The following CCDC83 variants were observed in gnomAD, a reference collection of about 807,000 sequenced individuals.
The protein encoded by CCDC83 is coiled-coil domain containing 83.
In CCDC83, 54 loss-of-function variants were observed where a neutral mutation model predicts 50.1. The ratio of observed to expected loss-of-function variants is 1.08; its 90% confidence interval spans 0.87 to 1.35. The LOEUF is 1.35. Ranked by LOEUF, CCDC83 falls within the 40% of genes most tolerant of loss-of-function variation. The pLI, the probability that CCDC83 is intolerant of heterozygous loss-of-function variation, is 0.00. For synonymous variants in CCDC83, 161 were observed against 153.3 expected (o/e 1.05, Z -0.37); for missense variants, 518 against 473.9 (o/e 1.09, Z -0.86).
intron 1 of CCDC83, among the ~76,000 whole-genome samples, chr11:85,856,891 T>C (rs1037457248): frequency 1.2e-4 from 19 of 152,232 alleles, no homozygotes; most frequent in Non-Finnish European, 2.4e-4. Flanking sequence ...TTTAAATTAA[T>C]TCAGGATTTT....
intron 7 of CCDC83, among the ~76,000 whole-genome samples, chr11:85,904,766 C>T (rs936309380): frequency 2.0e-5 from 3 of 152,192 alleles, no homozygotes; most frequent in African/African-American, 7.2e-5. Flanking sequence ...TTTTTACCAT[C>T]TGCCCAGACA....
chr11:85,883,782 C>T (rs2093313279), intron 4 of CCDC83, among the ~76,000 whole-genome samples: 1 of 152,158 alleles, frequency 6.6e-6, no homozygotes, highest in South Asian at 2.1e-4. Flanking sequence ...CTTAGCTGAG[C>T]ACTTTGCACA....
intron 5 of CCDC83, among the ~76,000 whole-genome samples, chr11:85,891,847 G>C (rs1020025717): frequency 6.6e-6 from 1 of 152,148 alleles, no homozygotes; most frequent in Non-Finnish European, 1.5e-5. Flanking sequence ...CCTAACCAAA[G>C]TCACAATGCT....
intron 8 of CCDC83, among the ~76,000 whole-genome samples, chr11:85,915,036 G>T (rs906661472): frequency 2.6e-5 from 4 of 152,146 alleles, no homozygotes; most frequent in African/African-American, 7.2e-5. Flanking sequence ...TTCCCACTGG[G>T]TCCCTCTCCC....
intron 7 of CCDC83, among the ~76,000 whole-genome samples, chr11:85,908,966 C>T (rs1437954809): frequency 6.6e-6 from 1 of 152,046 alleles, no homozygotes; most frequent in Admixed American, 6.6e-5. Context: ...CAGGGTCTCG[C>T]TCTGTCACCT....
Position 85,915,511 on chromosome 11 carries a change from T to C in CCDC83, c.874+13T>C, listed in dbSNP as rs746952562. The C allele has an allele frequency of 3.8e-6, 6 of 1,563,540 alleles. No individual in the cohort carries two copies. In the South Asian group the frequency reaches 5.8e-5, roughly 15 times the overall value. On this transcript the variant is annotated intron_variant, in intron 9 of 10. Transcript: ENST00000342404. The stretch of plus-strand genomic sequence containing the variant: ...GAAACACATATAGGTATTACTTTAT[T>C]GCAATAATGATGATGATTTTTTTCA...
chr11:85,910,578 G>A (rs575908513), intron 7 of CCDC83, among the ~76,000 whole-genome samples: 18 of 152,252 alleles, frequency 1.2e-4, no homozygotes, highest in African/African-American at 4.3e-4. Flanking sequence ...CTTAGATAGG[G>A]CCTAACTTAG....
chr11:85,864,269 C>T (rs1212306310), intron 1 of CCDC83, among the ~76,000 whole-genome samples: 2 of 152,184 alleles, frequency 1.3e-5, no homozygotes, highest in African/African-American at 4.8e-5. Context: ...TGCTTTCTAC[C>T]ACACTTAACT....
chr11:85,891,684 C>T (rs2093351069), intron 5 of CCDC83, among the ~76,000 whole-genome samples: 1 of 152,124 alleles, frequency 6.6e-6, no homozygotes, highest in Non-Finnish European at 1.5e-5. Flanking sequence ...ATTTTCTTGC[C>T]TATAAAATCA....
At chr11:85,886,965 C>T (rs1263493948) in intron 5 of CCDC83, among the ~76,000 whole-genome samples, 1 of 152,076 alleles carries the variant, frequency 6.6e-6, no homozygotes, top group Admixed American at 6.6e-5. Context: ...TGTTTCCACA[C>T]TGGGACAGAA....
chr11:85,856,805 T>G (rs1342428628), intron 1 of CCDC83, among the ~76,000 whole-genome samples: 2 of 152,228 alleles, frequency 1.3e-5, no homozygotes, highest in African/African-American at 2.4e-5. Context: ...CCCTATCATA[T>G]ATACATAATC....
intron 3 of CCDC83, among the ~76,000 whole-genome samples, chr11:85,879,755 G>C (rs183746339): frequency 6.6e-6 from 1 of 152,114 alleles, no homozygotes; most frequent in Non-Finnish European, 1.5e-5. Flanking sequence ...CAGTAGCTGG[G>C]ATTACAAGCA....
intron 3 of CCDC83, among the ~76,000 whole-genome samples, chr11:85,875,353 C>A (rs1250852077): frequency 6.6e-6 from 1 of 152,238 alleles, no homozygotes; most frequent in African/African-American, 2.4e-5. Flanking sequence ...GGTTGGATTT[C>A]ACTGGGGACC....
rs543317861 is a variant in CCDC83, at chr11:85,911,381, T to C, written c.773T>C (p.Leu258Pro). ...ATTGATCAACTATCCAACTGTAGACTTGTGGATCTCAAGATACCCAGGTGA... is the reference window on the plus strand; with the variant it reads ...ATTGATCAACTATCCAACTGTAGACCTGTGGATCTCAAGATACCCAGGTGA... ...VLIDQLSNCR[L>P]VDLKIPRRLY... The change falls in exon 8 of 11, where the codon CTT becomes CCT. Residue 258 changes from leucine to proline, a missense_variant. By Grantham distance (98) the Leu-to-Pro change is moderately conservative. Coordinates refer to ENST00000342404, the MANE Select transcript of CCDC83 (RefSeq NM_001286159.2). The C allele has an allele frequency of 3.2e-5, 51 of 1,607,066 alleles. No individual in the cohort carries two copies. The Middle Eastern group carries it at 8.3e-4, about 26-fold the overall frequency.
intron 1 of CCDC83, among the ~76,000 whole-genome samples, chr11:85,860,321 AAG>A (rs2093168697): frequency 6.6e-6 from 1 of 151,494 alleles, no homozygotes; most frequent in African/African-American, 2.4e-5. Context: ...AAAAAAAAAA[AAG>A]AAGGCAAAGA....
In CCDC83 at chr11:85,919,475, C is replaced by A. The variant is rs2135167309; in HGVS notation, c.1207C>A (p.His403Asn). Residue 403 changes from histidine to asparagine, a missense_variant, in exon 11 of 11, where the codon CAC becomes AAC. Physicochemically the swap from His to Asn is moderately conservative, Grantham distance 68. Coordinates refer to ENST00000342404, the MANE Select transcript of CCDC83 (RefSeq NM_001286159.2). ...TAAAGATGTCAGGAGCCCAGAAAGC[C>A]ACATCACATATAAGATGATGAAGTC... Reference protein sequence around the residue: ...LYKDVRSPESHITYKMMKSFL With the variant: ...LYKDVRSPESNITYKMMKSFL The A allele has an allele frequency of 6.2e-7, 1 of 1,611,566 alleles. No individual in the cohort carries two copies. Among genetic ancestry groups the A allele is most frequent in the Non-Finnish European group, 8.5e-7 (1 of 1,178,848 alleles).
At position 85,911,416 on chromosome 11, in the gene CCDC83, A is replaced by C. The variant is rs1440127700; in HGVS notation, c.794+14A>C. ...CAAGATACCCAGGTGAAAATTGTTA[A>C]TATATAGAGAGTATTTTGTAAACAT... On this transcript the variant is annotated intron_variant, in intron 8 of 10. Coordinates refer to ENST00000342404, the MANE Select transcript of CCDC83 (RefSeq NM_001286159.2). 1 of 1,554,136 alleles carries C rather than the reference A, an allele frequency of 6.4e-7. No individual in the cohort carries two copies. The highest frequency in any genetic ancestry group is 8.7e-7 in the Non-Finnish European group (1 of 1,153,840).
chr11:85,886,704 G>C (rs1463028043), intron 5 of CCDC83, among the ~76,000 whole-genome samples: 2 of 152,186 alleles, frequency 1.3e-5, no homozygotes, highest in Admixed American at 6.5e-5. Context: ...CTTGAGCCAA[G>C]AAGTTTGAGA....
At chr11:85,915,346 G>T in intron 8 of CCDC83, 73 bp from the exon 9 acceptor site, 1 of 1,034,798 alleles carries the variant, frequency 9.7e-7, no homozygotes, top group Non-Finnish European at 1.5e-6. Context: ...ACCTAGTAGA[G>T]AGATAGACCC....
Sources: allele counts gnomAD v4.1 joint callset (sites outside exome capture counted in the v4.1 genomes callset), GRCh38; gene constraint gnomAD v4.1.1; transcripts MANE v1.5; gene names NCBI Gene and HGNC (gene_info 2026-07-23, HGNC 2026-07-21).